Variants in COL10A1 observed in about 807,000 individuals in gnomAD.
COL10A1 encodes collagen alpha-1(X) chain.
A neutral mutation model predicts 18.2 loss-of-function variants in COL10A1; 10 were observed. The observed-to-expected ratio is 0.55, with a 90% confidence interval of 0.34 to 0.93. The LOEUF (loss-of-function observed/expected upper bound fraction) is 0.93. Ranked by LOEUF, COL10A1 falls within the 40% of genes least tolerant of loss-of-function variation. COL10A1 has a pLI of 0.02. For missense variants in COL10A1, 897 were observed against 853.5 expected (o/e 1.05, Z -0.64); for synonymous variants, 330 against 316.6 (o/e 1.04, Z -0.45).
chr6:116,157,814 C>A (rs1780234989), intron 1 of COL10A1, among the ~76,000 whole-genome samples: 1 of 152,210 alleles, frequency 6.6e-6, no homozygotes, highest in African/African-American at 2.4e-5. Flanking sequence ...GACCACCCAG[C>A]TGACCTGACT....
At chr6:116,189,184 G>A in the COL10A1 span, among the ~76,000 whole-genome samples, 1 of 151,478 alleles carries the variant, frequency 6.6e-6, no homozygotes, top group Non-Finnish European at 1.5e-5. Flanking sequence ...GACCACTCTT[G>A]AGAAATTTAT....
chr6:116,172,729 T>G, the COL10A1 span, among the ~76,000 whole-genome samples: 6 of 152,198 alleles, frequency 3.9e-5, no homozygotes, highest in Non-Finnish European at 8.8e-5. Flanking sequence ...CTGAGAAATT[T>G]TAAAGTATTT....
At chr6:116,184,583 G>A in the COL10A1 span, among the ~76,000 whole-genome samples, 1 of 151,970 alleles carries the variant, frequency 6.6e-6, no homozygotes, top group Non-Finnish European at 1.5e-5. Context: ...GGTCTGTTCA[G>A]AGTGTCTGTT....
At chr6:116,153,706 CAGTT>C (rs1780110218) in intron 1 of COL10A1, among the ~76,000 whole-genome samples, 1 of 152,050 alleles carries the variant, frequency 6.6e-6, no homozygotes, top group African/African-American at 2.4e-5. Context: ...TGGCAACAGA[CAGTT>C]GGAGTTCAGT....
chr6:116,134,539 G>T (rs1779541786), intron 1 of COL10A1, among the ~76,000 whole-genome samples: 1 of 152,142 alleles, frequency 6.6e-6, no homozygotes, highest in African/African-American at 2.4e-5. Flanking sequence ...AGAGCGTCAG[G>T]ACATCAGATT....
chr6:116,142,705 T>C lies in COL10A1; in HGVS notation c.-16+15909A>G, dbSNP rs1234442702. ...ATAAGCAGGAAGCAGTGAAATATAT[T>C]AATAGTGTTCTTCCAACCTTGAAAA... On this transcript the variant is annotated intron_variant, in intron 1 of 1. Transcript: ENST00000418500. Among the ~76,000 whole-genome samples, 4 of 152,184 alleles carry C rather than the reference T, an allele frequency of 2.6e-5. No homozygotes were observed. The East Asian group carries it at 5.8e-4, about 22-fold the overall frequency.
chr6:116,155,772 AGAGG>A (rs1406225640), intron 1 of COL10A1, among the ~76,000 whole-genome samples: 2 of 150,186 alleles, frequency 1.3e-5, no homozygotes, highest in African/African-American at 4.9e-5. Context: ...AAAAAAAAAA[AGAGG>A]GAGGAAGTTG....
the COL10A1 span, among the ~76,000 whole-genome samples, chr6:116,216,392 T>TAA: frequency 2.2e-4 from 32 of 148,416 alleles, no homozygotes; most frequent in African/African-American, 4.2e-4. Flanking sequence ...TGGGAAGCTT[T>TAA]AAAAAAAAAA....
upstream of COL10A1, among the ~76,000 whole-genome samples, chr6:116,160,095 T>G (rs1780293841): frequency 6.6e-6 from 1 of 152,226 alleles, no homozygotes; most frequent in Non-Finnish European, 1.5e-5. Context: ...GGTATCTTTT[T>G]GATAAAATGA....
chr6:116,134,312 T>TA (rs1779537162), intron 1 of COL10A1, among the ~76,000 whole-genome samples: 1 of 152,214 alleles, frequency 6.6e-6, no homozygotes, highest in African/African-American at 2.4e-5. Flanking sequence ...CTCATGGAGA[T>TA]AAACGCCAGA....
In COL10A1 at chr6:116,120,586, A is replaced by G. The variant is rs1045854465; in HGVS notation, c.1530T>C (p.Pro510=). 6 of 1,592,162 alleles carry G rather than the reference A, an allele frequency of 3.8e-6. No homozygotes were observed. The Admixed American group carries it at 5.4e-5, about 14-fold the overall frequency. The stretch of plus-strand genomic sequence containing the variant: ...CTTGACCTGGTGGGCCTGGAGGCCC[A>G]GGGGGCCCTGGAAGACCAGGCTCTC... ...HSGEPGLPGP[P]GPPGPPGQAV... The change falls in exon 3 of 3, where the codon CCT becomes CCC. Residue 510 remains proline, a synonymous_variant. Transcript: ENST00000651968.
the COL10A1 span, among the ~76,000 whole-genome samples, chr6:116,199,779 T>C: frequency 3.9e-5 from 6 of 152,014 alleles, no homozygotes; most frequent in African/African-American, 1.4e-4. Context: ...TAAAGTAGTA[T>C]GGAATTATAA....
chr6:116,156,659 G>A (rs1487277737), intron 1 of COL10A1, among the ~76,000 whole-genome samples: 2 of 152,168 alleles, frequency 1.3e-5, no homozygotes, highest in East Asian at 3.9e-4. Flanking sequence ...AGAGATAGGG[G>A]AGAGAAGTCA....
the COL10A1 span, among the ~76,000 whole-genome samples, chr6:116,178,052 A>AGTGC: frequency 7.3e-6 from 1 of 136,318 alleles, no homozygotes; most frequent in Admixed American, 7.2e-5. Context: ...CAAAGAGGAA[A>AGTGC]GTGTGTGTGT....
At chr6:116,174,975 T>A in the COL10A1 span, among the ~76,000 whole-genome samples, 1 of 152,202 alleles carries the variant, frequency 6.6e-6, no homozygotes, top group Admixed American at 6.5e-5. Context: ...ATTAGGTTAT[T>A]GAATGACCAT....
the COL10A1 span, among the ~76,000 whole-genome samples, chr6:116,173,420 T>C: frequency 6.6e-6 from 1 of 152,208 alleles, no homozygotes; most frequent in South Asian, 2.1e-4. Flanking sequence ...AGCTGTGTGA[T>C]TTTTGGACAG....
intron 1 of COL10A1, among the ~76,000 whole-genome samples, chr6:116,135,202 A>G (rs900170931): frequency 9.2e-5 from 14 of 152,158 alleles, no homozygotes; most frequent in Non-Finnish European, 2.1e-4. Flanking sequence ...TCTTGAATGG[A>G]AATACATATA....
At chr6:116,138,289 C>T (rs1582827701) in intron 1 of COL10A1, among the ~76,000 whole-genome samples, 1 of 152,084 alleles carries the variant, frequency 6.6e-6, no homozygotes, top group Non-Finnish European at 1.5e-5. Context: ...CATGGTAAAG[C>T]GACTGTTTTC....
intron 1 of COL10A1, among the ~76,000 whole-genome samples, chr6:116,141,263 A>ATT (rs201726112): frequency 6.3e-5 from 9 of 142,764 alleles, no homozygotes; most frequent in African/African-American, 2.0e-4. Flanking sequence ...TTTTTATCAG[A>ATT]TTTTTTTTTT....
Sources: allele counts gnomAD v4.1 joint callset (sites outside exome capture counted in the v4.1 genomes callset), GRCh38; gene constraint gnomAD v4.1.1; transcripts MANE v1.5; gene names NCBI Gene and HGNC (gene_info 2026-07-23, HGNC 2026-07-21).